The following GHR variants were observed in gnomAD, a reference collection of about 807,000 sequenced individuals.
GHR encodes the protein GH receptor.
GHR carries 35 observed loss-of-function variants against 67.1 expected under a neutral mutation model. The observed-to-expected ratio is 0.52, with a 90% confidence interval of 0.40 to 0.69. The LOEUF (loss-of-function observed/expected upper bound fraction) is 0.69, where lower values mean the gene tolerates loss of function less well. Among genes scored for constraint, GHR ranks in the 30% least tolerant of loss-of-function variants. The pLI, the probability that GHR is intolerant of heterozygous loss-of-function variation, is 0.00. For synonymous variants in GHR, 272 were observed against 269.1 expected (o/e 1.01, Z -0.10); for missense variants, 792 against 764.6 (o/e 1.04, Z -0.42).
chr5:42,578,087 A>G (rs1459562875), intron 2 of GHR, among the ~76,000 whole-genome samples: 1 of 152,150 alleles, frequency 6.6e-6, no homozygotes, highest in Non-Finnish European at 1.5e-5. Flanking sequence ...TAATTTATCT[A>G]TGGTGGGAGG....
At chr5:42,540,181 T>C in intron 1 of GHR, among the ~76,000 whole-genome samples, 1 of 106,530 alleles carries the variant, frequency 9.4e-6, no homozygotes, top group Non-Finnish European at 1.9e-5. Flanking sequence ...TGTGTTACTG[T>C]ATTCTCTCTC....
chr5:42,616,724 G>C (rs1252290612), intron 2 of GHR, among the ~76,000 whole-genome samples: 1 of 151,684 alleles, frequency 6.6e-6, no homozygotes, highest in African/African-American at 2.4e-5. Context: ...TTTTGTAACA[G>C]GACAATATTT....
At chr5:42,713,390 T>C in intron 7 of GHR, 39 bp from the exon 8 acceptor site, 1 of 892,106 alleles carries the variant, frequency 1.1e-6, no homozygotes, top group Non-Finnish European at 1.9e-6. Context: ...GCTTCAACTA[T>C]TCGTAATTCT....
At chr5:42,644,404 A>AG (rs1238426801) in intron 3 of GHR, among the ~76,000 whole-genome samples, 1 of 152,158 alleles carries the variant, frequency 6.6e-6, no homozygotes, top group Admixed American at 6.5e-5. Context: ...GATTGCAGTA[A>AG]GCTGAAAGAA....
chr5:42,709,536 T>G (rs1171116152), intron 6 of GHR, among the ~76,000 whole-genome samples: 1 of 152,140 alleles, frequency 6.6e-6, no homozygotes, highest in Non-Finnish European at 1.5e-5. Flanking sequence ...AAAGGCTTAA[T>G]GAATAGCATG....
chr5:42,712,486 C>A (rs973103312), intron 7 of GHR, among the ~76,000 whole-genome samples: 1 of 152,196 alleles, frequency 6.6e-6, no homozygotes, highest in South Asian at 2.1e-4. Flanking sequence ...ATTATAGACA[C>A]TACAAGACAA....
intron 2 of GHR, among the ~76,000 whole-genome samples, chr5:42,577,458 G>T (rs571509096): frequency 6.6e-6 from 1 of 152,088 alleles, no homozygotes; most frequent in Non-Finnish European, 1.5e-5. Context: ...TCAGTTATGC[G>T]AAACGAAAGG....
Position 42,700,075 on chromosome 5 carries a change from A to G in GHR, c.618+73A>G. The G allele has an allele frequency of 5.4e-6, 5 of 930,284 alleles. No homozygotes were observed. The South Asian group carries it at 7.0e-5, about 13-fold the overall frequency. 57.6% of individuals were successfully genotyped at this position (930,284 alleles called of 1,614,324 possible). On this transcript the variant is annotated intron_variant, in intron 6 of 9. Transcript: ENST00000230882. ...CAAACTCTCTCTCATTTATCATTAG[A>G]CTTTCCTTTGACCTAATACCACATG...
chr5:42,608,500 CA>C (rs1752736074), intron 2 of GHR, among the ~76,000 whole-genome samples: 1 of 151,824 alleles, frequency 6.6e-6, no homozygotes, highest in Admixed American at 6.6e-5. Flanking sequence ...TAGATTATAT[CA>C]TTTGTCATAA....
intron 1 of GHR, among the ~76,000 whole-genome samples, chr5:42,503,717 G>A (rs978351520): frequency 8.5e-5 from 13 of 152,138 alleles, no homozygotes; most frequent in African/African-American, 3.1e-4. Flanking sequence ...TAGGGTAAGG[G>A]GCTAGGTGGG....
intron 1 of GHR, among the ~76,000 whole-genome samples, chr5:42,438,436 A>C (rs1227706716): frequency 6.6e-6 from 1 of 152,190 alleles, no homozygotes; most frequent in African/African-American, 2.4e-5. Context: ...GGCCAAACTC[A>C]GGTGACTCAT....
intron 1 of GHR, among the ~76,000 whole-genome samples, chr5:42,530,162 C>A (rs986312235): frequency 2.0e-4 from 31 of 152,146 alleles, no homozygotes; most frequent in African/African-American, 7.5e-4. Context: ...AATTAATTAA[C>A]ACATCCTTCA....
chr5:42,554,999 G>A (rs908583163), intron 1 of GHR, among the ~76,000 whole-genome samples: 1 of 152,138 alleles, frequency 6.6e-6, no homozygotes, highest in African/African-American at 2.4e-5. Context: ...CCAAGTCCAA[G>A]CTATTACACC....
chr5:42,632,822 A>G (rs1286538318), intron 3 of GHR, among the ~76,000 whole-genome samples: 2 of 152,208 alleles, frequency 1.3e-5, no homozygotes, highest in Non-Finnish European at 2.9e-5. Flanking sequence ...AGATATCCAA[A>G]CAACTTTTTT....
chr5:42,457,630 G>T (rs1744316867), intron 1 of GHR, among the ~76,000 whole-genome samples: 1 of 152,110 alleles, frequency 6.6e-6, no homozygotes, highest in Non-Finnish European at 1.5e-5. Context: ...ACTGTTTTTG[G>T]TAAATTCCAA....
chr5:42,661,211 C>A (rs932122609), intron 3 of GHR, among the ~76,000 whole-genome samples: 11 of 152,204 alleles, frequency 7.2e-5, no homozygotes, highest in African/African-American at 2.7e-4. Context: ...CTTCCCCAAT[C>A]TAGCAAGGCA....
At chr5:42,664,298 C>T (rs1215218006) in intron 3 of GHR, among the ~76,000 whole-genome samples, 1 of 152,142 alleles carries the variant, frequency 6.6e-6, no homozygotes, top group Admixed American at 6.5e-5. Context: ...CAATCCTAAG[C>T]CAAAAGAGCA....
At chr5:42,568,878 G>A (rs1221692406) in intron 2 of GHR, among the ~76,000 whole-genome samples, 2 of 152,208 alleles carry the variant, frequency 1.3e-5, no homozygotes, top group East Asian at 3.8e-4. Context: ...TATTTTCAAA[G>A]CCTGCACCTA....
intron 1 of GHR, among the ~76,000 whole-genome samples, chr5:42,436,325 C>T (rs1302233948): frequency 6.6e-6 from 1 of 152,168 alleles, no homozygotes; most frequent in Non-Finnish European, 1.5e-5. Context: ...CCACACTTCT[C>T]CACTTGCTTA....
Sources: allele counts gnomAD v4.1 joint callset (sites outside exome capture counted in the v4.1 genomes callset), GRCh38; gene constraint gnomAD v4.1.1; transcripts MANE v1.5; gene names NCBI Gene and HGNC (gene_info 2026-07-23, HGNC 2026-07-21).